AADACL2: variants seen among roughly 807,000 people sequenced by gnomAD.
The protein encoded by AADACL2 is arylacetamide deacetylase like 2, also known as arylacetamide deacetylase-like 2.
Under a neutral mutation model 22.3 loss-of-function variants are expected in AADACL2, and 23 were observed. The ratio of observed to expected loss-of-function variants is 1.03; its 90% CI spans 0.74 to 1.46. The LOEUF (loss-of-function observed/expected upper bound fraction) is 1.46. Among genes scored for constraint, AADACL2 ranks in the 40% most tolerant of loss-of-function variants. The pLI is 0.00. For synonymous variants in AADACL2, 177 were observed against 166.2 expected, an observed-to-expected ratio of 1.07 and a Z score of -0.50; for missense variants, 472 against 482.9, an observed-to-expected ratio of 0.98 and a Z score of 0.21.
chr3:151,744,015 T>A, intron 2 of AADACL2, 78 bp from the exon 3 acceptor site: 1 of 1,455,860 alleles, frequency 6.9e-7, no homozygotes, highest in South Asian at 1.2e-5. Flanking sequence ...CCACAGTTAT[T>A]TCCACATTCA....
Position 151,734,097 on chromosome 3 carries a change from C to G in AADACL2, c.62C>G (p.Thr21Arg), listed in dbSNP as rs1174544361. 3.1e-6 allele frequency: 5 copies of G among 1,613,438 alleles called. No individual in the cohort carries two copies. The highest frequency in any genetic ancestry group is 1.7e-5 in the Admixed American group (1 of 59,874). The stretch of plus-strand genomic sequence containing the variant: ...GTTCTTTTTGTCTCTCATTTTTACA[C>G]ACCCATGCCAGACAACATTGAAGAA... ...LCVLFVSHFY[T>R]PMPDNIEESW... The change falls in exon 1 of 5, where the codon ACA becomes AGA. Residue 21 changes from threonine to arginine, a missense_variant. Thr to Arg is a moderately conservative substitution (Grantham distance 71, BLOSUM62 -1). Around this residue, in one of 3 missense-constraint regions of AADACL2, gnomAD observed 356 missense variants for 365.5 expected, o/e 0.97. Coordinates refer to ENST00000356517, the MANE Select transcript of AADACL2 (RefSeq NM_207365.4).
At chr3:151,753,228 T>C (rs1050248042) in intron 4 of AADACL2, among the ~76,000 whole-genome samples, 11 of 152,294 alleles carry the variant, frequency 7.2e-5, no homozygotes, top group African/African-American at 2.6e-4. Context: ...GAAATATCTG[T>C]CTTCTTTTAC....
Position 151,757,387 on chromosome 3 carries a change from C to T in AADACL2, c.999C>T (p.Thr333=). The T allele has an allele frequency of 6.2e-7, 1 of 1,613,732 alleles. No homozygotes were observed. The highest frequency in any genetic ancestry group is 8.5e-7 in the Non-Finnish European group (1 of 1,179,694). The change falls in exon 5 of 5, where the codon ACC becomes ACT. Residue 333 remains threonine, a synonymous_variant. Transcript: ENST00000356517. ...CTCAGTTACAGAATTTGCCACTAAC[C>T]TATATTCTTACTTGTCAACATGATC... ...NDSQLQNLPL[T]YILTCQHDLL...
At chr3:151,739,036 T>G (rs2107981140) in intron 1 of AADACL2, among the ~76,000 whole-genome samples, 1 of 152,336 alleles carries the variant, frequency 6.6e-6, no homozygotes, top group African/African-American at 2.4e-5. Flanking sequence ...GTTTGTGCCC[T>G]TGCTGGAGAG....
chr3:151,734,964 AAGG>A (rs902334143), intron 1 of AADACL2, among the ~76,000 whole-genome samples: 1 of 152,196 alleles, frequency 6.6e-6, no homozygotes, highest in African/African-American at 2.4e-5. Flanking sequence ...AAGAGGCTCA[AAGG>A]AGAAGGCCAC....
At chr3:151,744,682 A>G (rs1713382209) in intron 3 of AADACL2, among the ~76,000 whole-genome samples, 2 of 152,142 alleles carry the variant, frequency 1.3e-5, no homozygotes, top group Non-Finnish European at 2.9e-5. Flanking sequence ...TAAAGATACC[A>G]ACATCTTTTT....
At position 151,745,548 on chromosome 3, in the gene AADACL2, T is replaced by C; in HGVS notation, c.471T>C (p.Phe157=). Residue 157 remains phenylalanine (F), a synonymous_variant, in exon 4 of 5, where the codon TTT becomes TTC. Transcript: ENST00000356517. ...CTCAACACCACTTTCCTGCTCAGTT[T>C]GAAGATGGCCTTGCTGCAGTCAAAT... is the stretch of plus-strand genomic sequence containing the variant. ...LAPQHHFPAQ[F]EDGLAAVKFF... 2 of 1,613,944 alleles carry C rather than the reference T, an allele frequency of 1.2e-6. No homozygotes were observed. The highest frequency in any genetic ancestry group is 1.7e-6 in the Non-Finnish European group (2 of 1,179,884).
At chr3:151,737,502 A>G (rs1252042672) in intron 1 of AADACL2, among the ~76,000 whole-genome samples, 1 of 152,082 alleles carries the variant, frequency 6.6e-6, no homozygotes, top group Admixed American at 6.5e-5. Flanking sequence ...GCTGAGTGCA[A>G]GTCCTGAGTA....
intron 4 of AADACL2, among the ~76,000 whole-genome samples, chr3:151,746,967 G>A (rs9870067): frequency 0.19 from 28,489 of 150,624 alleles, 2,852 homozygotes; most frequent in South Asian, 0.28. Context: ...GCAGTGGCGC[G>A]ATCTCAGCTC....
chr3:151,757,778 T>C lies in AADACL2; in HGVS notation c.*184T>C, dbSNP rs1412651989. On this transcript the variant is annotated 3_prime_UTR_variant, in exon 5 of 5. Coordinates refer to ENST00000356517, the MANE Select transcript of AADACL2 (RefSeq NM_207365.4). ...ACTTGCAGACCCTGAATATGTAAAA[T>C]GTATGTAATCCTGCCTATTTTCTCC... 2.1e-5 allele frequency: 12 copies of C among 573,564 alleles called. No homozygotes were observed. Among genetic ancestry groups the C allele is most frequent in the Non-Finnish European group, 2.8e-6 (1 of 351,920 alleles). 35.5% of individuals were successfully genotyped at this position (573,564 alleles called of 1,614,324 possible).
intron 4 of AADACL2, among the ~76,000 whole-genome samples, chr3:151,754,622 A>G (rs1713817958): frequency 6.6e-6 from 1 of 152,158 alleles, no homozygotes; most frequent in Non-Finnish European, 1.5e-5. Flanking sequence ...GATGGGCTTT[A>G]TTGAAGCTCT....
intron 4 of AADACL2, among the ~76,000 whole-genome samples, chr3:151,747,684 G>T (rs374413909): frequency 6.6e-6 from 1 of 151,348 alleles, no homozygotes; most frequent in Non-Finnish European, 1.5e-5. Context: ...CCATTTATCC[G>T]GCTGACAAAC....
In AADACL2 at chr3:151,745,603, T is replaced by C; in HGVS notation, c.526T>C (p.Tyr176His). The part of the protein sequence containing the change: ...FFLLEKILTK[Y>H]GVDPTRICIA... Reference sequence around the variant, plus strand: ...TCTTTTGGAAAAAATTCTTACAAAATATGGAGTGGATCCCACCCGAATCTG... The same window carrying C: ...TCTTTTGGAAAAAATTCTTACAAAACATGGAGTGGATCCCACCCGAATCTG... The change falls in exon 4 of 5, where the codon TAT (tyrosine) becomes CAT (histidine). Residue 176 changes from tyrosine (Y) to histidine (H), a missense_variant. Physicochemically the swap from Tyr to His is moderately conservative, Grantham distance 83. Coordinates refer to ENST00000356517, the MANE Select transcript of AADACL2 (RefSeq NM_207365.4). 1 of 1,613,820 alleles carries C rather than the reference T, an allele frequency of 6.2e-7. No individual in the cohort carries two copies.
Position 151,740,888 on chromosome 3 carries a change from A to T in AADACL2, c.361+20A>T. 1.9e-6 allele frequency: 3 copies of T among 1,605,774 alleles called. No homozygotes were observed. The highest frequency in any genetic ancestry group is 1.7e-6 in the Non-Finnish European group (2 of 1,172,866). On this transcript the variant is annotated intron_variant, in intron 2 of 4. Coordinates refer to ENST00000356517, the MANE Select transcript of AADACL2 (RefSeq NM_207365.4). ...GTTCCAGTAAGTTCATTGTATAAGG[A>T]AAAAGTGTAGCTAGCTCTACATTTT...
chr3:151,741,443 T>C (rs1269729719), intron 2 of AADACL2, among the ~76,000 whole-genome samples: 1 of 152,160 alleles, frequency 6.6e-6, no homozygotes, highest in African/African-American at 2.4e-5. Flanking sequence ...ATTCAATAAA[T>C]GTTTTTGTGA....
intron 1 of AADACL2, among the ~76,000 whole-genome samples, chr3:151,735,195 G>A (rs1225505632): frequency 6.6e-6 from 1 of 152,116 alleles, no homozygotes; most frequent in East Asian, 1.9e-4. Flanking sequence ...AAGTGGGTAA[G>A]CAAGTGTCAC....
At chr3:151,743,295 T>A (rs1052741587) in intron 2 of AADACL2, among the ~76,000 whole-genome samples, 2 of 152,210 alleles carry the variant, frequency 1.3e-5, no homozygotes, top group African/African-American at 2.4e-5. Context: ...TGGAATTTGA[T>A]CACAACTCTA....
At chr3:151,756,022 T>C (rs1185415793) in intron 4 of AADACL2, among the ~76,000 whole-genome samples, 1 of 152,172 alleles carries the variant, frequency 6.6e-6, no homozygotes, top group Non-Finnish European at 1.5e-5. Flanking sequence ...TTTCCCTTTC[T>C]GAGGTACCTC....
chr3:151,735,689 C>T (rs1352479331), intron 1 of AADACL2, among the ~76,000 whole-genome samples: 3 of 152,070 alleles, frequency 2.0e-5, no homozygotes, highest in Non-Finnish European at 4.4e-5. Flanking sequence ...ATCCAGGAGG[C>T]GGAGGTTGCA....
Sources: allele counts gnomAD v4.1 joint callset (sites outside exome capture counted in the v4.1 genomes callset), GRCh38; gene constraint gnomAD v4.1.1; regional missense constraint gnomAD v4.1.1; transcripts MANE v1.5; gene names NCBI Gene and HGNC (gene_info 2026-07-23, HGNC 2026-07-21).